TMOD2: variants seen among roughly 807,000 people sequenced by gnomAD.
TMOD2 encodes the protein tropomodulin-2.
In TMOD2, 22 loss-of-function variants were observed where a neutral mutation model predicts 39.9. That is an observed-to-expected ratio of 0.55 (90% CI 0.39 to 0.79). TMOD2 has a LOEUF of 0.79. Ranked by LOEUF, TMOD2 falls within the 30% of genes least tolerant of loss-of-function variation. The probability of loss-of-function intolerance (pLI) is 0.00; values close to 1 mark genes in which losing one functional copy is unlikely to be tolerated. For synonymous variants in TMOD2, 123 were observed against 146.1 expected, an observed-to-expected ratio of 0.84 and a Z score of 1.14; for missense variants, 386 against 413.3, an observed-to-expected ratio of 0.93 and a Z score of 0.57.
intron 5 of TMOD2, among the ~76,000 whole-genome samples, chr15:51,780,037 C>G (rs1407472430): frequency 6.6e-6 from 1 of 152,166 alleles, no homozygotes; most frequent in Admixed American, 6.5e-5. Context: ...TGATGCTATA[C>G]TTTATTTACC....
intron 7 of TMOD2, chr15:51,784,015 A>G (rs756507108): frequency 1.3e-5 from 2 of 152,200 alleles, no homozygotes; most frequent in Non-Finnish European, 2.9e-5. Context: ...GCAGCATCTC[A>G]TCCATTTGTC....
intron 9 of TMOD2, among the ~76,000 whole-genome samples, chr15:51,807,866 G>A (rs138164347): frequency 6.6e-5 from 10 of 152,286 alleles, no homozygotes; most frequent in South Asian, 2.1e-4. Context: ...CGGCAGTCTC[G>A]GCAACTTCTT....
intron 8 of TMOD2, among the ~76,000 whole-genome samples, chr15:51,803,389 C>T (rs2056103026): frequency 6.6e-6 from 1 of 152,012 alleles, no homozygotes; most frequent in Non-Finnish European, 1.5e-5. Context: ...CCATGTTCAC[C>T]AGGTTGGTCT....
At chr15:51,758,194 T>G (rs528129350) in intron 1 of TMOD2, among the ~76,000 whole-genome samples, 64 of 152,130 alleles carry the variant, frequency 4.2e-4, no homozygotes, top group Non-Finnish European at 7.9e-4. Context: ...GATCCCCTGG[T>G]ACATTGACAC....
chr15:51,775,173 A>G (rs1341317793), intron 4 of TMOD2, among the ~76,000 whole-genome samples: 1 of 152,136 alleles, frequency 6.6e-6, no homozygotes, highest in Non-Finnish European at 1.5e-5. Flanking sequence ...TTATTGTGGC[A>G]GATAGAGAGC....
intron 3 of TMOD2, among the ~76,000 whole-genome samples, chr15:51,771,704 C>G (rs991284660): frequency 1.3e-5 from 2 of 152,166 alleles, no homozygotes; most frequent in African/African-American, 4.8e-5. Context: ...TATTTTGACT[C>G]TAGACCTAAG....
At chr15:51,804,378 GA>G (rs906078140) in intron 8 of TMOD2, among the ~76,000 whole-genome samples, 1 of 151,920 alleles carries the variant, frequency 6.6e-6, no homozygotes, top group East Asian at 1.9e-4. Context: ...CCATTAATGT[GA>G]AAAAAAGCAT....
rs2055869509 is a variant in TMOD2, at chr15:51,773,782, A to G, written c.354A>G (p.Glu118=). ...RKEEKVTLDP[E]LEEALASASD... ...AAGAAAAAGTGACCCTTGACCCAGAACTGGAAGAAGCTTTGGCCAGTGCCT... is the reference window on the plus strand; with the variant it reads ...AAGAAAAAGTGACCCTTGACCCAGAGCTGGAAGAAGCTTTGGCCAGTGCCT... The change falls in exon 4 of 10, where the codon GAA becomes GAG. Residue 118 remains glutamate, a synonymous_variant. Coordinates refer to ENST00000249700, the MANE Select transcript of TMOD2 (RefSeq NM_014548.4). The G allele has an allele frequency of 6.2e-7, 1 of 1,613,698 alleles. No homozygotes were observed. The highest frequency in any genetic ancestry group is 8.5e-7 in the Non-Finnish European group (1 of 1,179,810).
chr15:51,797,021 C>T (rs962947723), intron 7 of TMOD2, among the ~76,000 whole-genome samples: 1 of 152,218 alleles, frequency 6.6e-6, no homozygotes, highest in Non-Finnish European at 1.5e-5. Flanking sequence ...CGACATAGAC[C>T]ATAAGATTTC....
intron 4 of TMOD2, 125 bp from the exon 5 acceptor site, chr15:51,776,807 A>G: frequency 1.3e-6 from 1 of 746,796 alleles, no homozygotes. Context: ...CACACTGTGC[A>G]AGGAAAGAGG....
intron 7 of TMOD2, among the ~76,000 whole-genome samples, chr15:51,788,377 A>C (rs1752093586): frequency 6.6e-6 from 1 of 152,230 alleles, no homozygotes; most frequent in African/African-American, 2.4e-5. Context: ...AGTATGTGAA[A>C]AGACCAAATC....
chr15:51,793,519 A>G (rs149281974), intron 7 of TMOD2, among the ~76,000 whole-genome samples: 35 of 152,328 alleles, frequency 2.3e-4, no homozygotes, highest in African/African-American at 7.9e-4. Context: ...ACAATCCTAT[A>G]AAGTACAGAC....
chr15:51,761,547 TA>T (rs2055780871), intron 1 of TMOD2, among the ~76,000 whole-genome samples: 1 of 149,008 alleles, frequency 6.7e-6, no homozygotes, highest in African/African-American at 2.5e-5. Flanking sequence ...GGCAATATAG[TA>T]AGACCTCATC....
intron 3 of TMOD2, 78 bp from the exon 4 acceptor site, chr15:51,773,634 T>C (rs2055868124): frequency 1.4e-6 from 2 of 1,439,412 alleles, no homozygotes; most frequent in Non-Finnish European, 1.9e-6. Flanking sequence ...TGGCCAGAAC[T>C]GCATTCTCTG....
chr15:51,753,778 G>A (rs1220518354), intron 1 of TMOD2, among the ~76,000 whole-genome samples: 1 of 151,324 alleles, frequency 6.6e-6, no homozygotes, highest in East Asian at 2.0e-4. Flanking sequence ...AAAAAGGATA[G>A]GGGTAGCAGA....
intron 1 of TMOD2, among the ~76,000 whole-genome samples, chr15:51,756,668 G>T (rs1204365486): frequency 2.0e-5 from 3 of 152,136 alleles, no homozygotes; most frequent in Non-Finnish European, 4.4e-5. Flanking sequence ...TTTAATCTTT[G>T]GCAAGTTTGT....
Position 51,782,738 on chromosome 15 carries a change from C to T in TMOD2, c.642C>T (p.Thr214=), listed in dbSNP as rs139423166. 1 of 1,613,778 alleles carries T rather than the reference C, an allele frequency of 6.2e-7. No individual in the cohort carries two copies. The highest frequency in any genetic ancestry group is 1.3e-5 in the African/African-American group (1 of 74,908). Residue 214 remains threonine, a synonymous_variant, in exon 7 of 10, where the codon ACC becomes ACT. Transcript: ENST00000249700. ...LNNIKNIPIP[T]LREFAKALET... Reference sequence around the variant, plus strand: ...TGTCTTAGAACATTCCAATTCCAACCCTGAGGGAATTTGCAAAGGCTCTGG... The same window carrying T: ...TGTCTTAGAACATTCCAATTCCAACTCTGAGGGAATTTGCAAAGGCTCTGG...
intron 7 of TMOD2, chr15:51,784,866 T>A (rs1466907466): frequency 6.6e-6 from 1 of 152,214 alleles, no homozygotes; most frequent in African/African-American, 2.4e-5. Flanking sequence ...CGAGTAAAAT[T>A]GCAGGGCTGG....
intron 7 of TMOD2, among the ~76,000 whole-genome samples, chr15:51,793,093 A>G (rs912056372): frequency 3.2e-4 from 49 of 152,340 alleles, no homozygotes; most frequent in African/African-American, 1.1e-3. Flanking sequence ...CATTAAAAAA[A>G]ATACATAGTA....
Sources: gnomAD v4.1 joint callset for allele counts (sites outside exome capture counted in the v4.1 genomes callset) on GRCh38, gnomAD v4.1.1 for gene constraint, MANE v1.5 for transcripts, NCBI Gene and HGNC (gene_info 2026-07-23, HGNC 2026-07-21) for gene names.